CCNH: variants seen among roughly 807,000 people sequenced by gnomAD.
The protein encoded by CCNH is cyclin-H.
Under a neutral mutation model 41.9 loss-of-function variants are expected in CCNH, and 31 were observed. The ratio of observed to expected loss-of-function variants is 0.74; its 90% confidence interval spans 0.56 to 1.00. The LOEUF is 1.00. CCNH is among the 50% of genes least tolerant of loss of function. The pLI is 0.00. For synonymous variants in CCNH, 138 were observed against 136.1 expected, an observed-to-expected ratio of 1.01 and a Z score of -0.10; for missense variants, 362 against 388.4, an observed-to-expected ratio of 0.93 and a Z score of 0.57.
intron 9 of CCNH, among the ~76,000 whole-genome samples, chr5:87,333,553 G>A (rs1462693835): frequency 3.9e-5 from 6 of 152,168 alleles, no homozygotes; most frequent in African/African-American, 1.4e-4. Flanking sequence ...AATATGATAG[G>A]AGAAATAGTT....
chr5:87,354,312 T>C (rs999964092), intron 9 of CCNH, among the ~76,000 whole-genome samples: 1 of 152,158 alleles, frequency 6.6e-6, no homozygotes, highest in Non-Finnish European at 1.5e-5. Flanking sequence ...AGGACGTCTA[T>C]TGCGACTGTT....
At chr5:87,382,636 G>A (rs2112506293) in intron 9 of CCNH, among the ~76,000 whole-genome samples, 1 of 152,252 alleles carries the variant, frequency 6.6e-6, no homozygotes, top group South Asian at 2.1e-4. Flanking sequence ...GGCAGAATAG[G>A]AGTATCTATG....
chr5:87,318,100 T>G (rs1756486449), downstream of CCNH, among the ~76,000 whole-genome samples: 1 of 152,160 alleles, frequency 6.6e-6, no homozygotes. Flanking sequence ...GGCTAAAATG[T>G]TCTTGGCATT....
At chr5:87,412,506 T>C in intron 1 of CCNH, 172 bp downstream of exon 1, 1 of 1,435,238 alleles carries the variant, frequency 7.0e-7, no homozygotes. Context: ...GTTGTTCGTC[T>C]TTGTACCCAC....
chr5:87,379,624 A>G (rs1761565679), upstream of CCNH: 3 of 1,425,194 alleles, frequency 2.1e-6, no homozygotes, highest in South Asian at 4.1e-5. Flanking sequence ...CAATACACAC[A>G]GAGATACCGA....
At chr5:87,380,039 G>A (rs1052916098), upstream of CCNH, among the ~76,000 whole-genome samples, 5 of 152,202 alleles carry the variant, frequency 3.3e-5, no homozygotes, top group South Asian at 2.1e-4. Flanking sequence ...CATTATTTTC[G>A]TACAAGCCAA....
At chr5:87,377,094 C>T in exon 1 of CCNH, 4 of 1,542,542 alleles carry the variant, frequency 2.6e-6, no homozygotes, top group Non-Finnish European at 3.6e-6. Context: ...GATTTTATAT[C>T]AAGGATATAT....
chr5:87,411,305 T>G lies in CCNH; in HGVS notation c.159A>C (p.Glu53Asp). 6.2e-7 allele frequency: 1 copy of G among 1,612,470 alleles called. No homozygotes were observed. The highest frequency in any genetic ancestry group is 8.5e-7 in the Non-Finnish European group (1 of 1,179,296). ...TCTCATAGTATTTGCAGAGTGTCATTTCTTCATGAGGCTCAAGAAAGACTG... is the reference window on the plus strand; with the variant it reads ...TCTCATAGTATTTGCAGAGTGTCATGTCTTCATGAGGCTCAAGAAAGACTG... ...NDPVFLEPHE[E>D]MTLCKYYEKR... Residue 53 changes from glutamate to aspartate, a missense_variant, in exon 2 of 9, where the codon GAA (glutamate) becomes GAC (aspartate). Physicochemically the swap from Glu to Asp is conservative, Grantham distance 45 (BLOSUM62 2). Coordinates refer to ENST00000256897, the MANE Select transcript of CCNH (RefSeq NM_001239.4).
chr5:87,377,711 G>A (rs1267471237), upstream of CCNH, among the ~76,000 whole-genome samples: 3 of 152,078 alleles, frequency 2.0e-5, no homozygotes, highest in Admixed American at 6.6e-5. Flanking sequence ...CAAGCTGCTG[G>A]ACACAGTGCT....
rs3838241 is a variant in CCNH at position 87,401,786 on chromosome 5, G to GA, written c.690-15dup. ...TCTGATAAATAACTAGTAAAGAAAA[G>GA]AAAAAAAAATCTATTGAAAACATAC... is the stretch of plus-strand genomic sequence containing the variant. On this transcript the variant is annotated splice_polypyrimidine_tract_variant and intron_variant, in intron 5 of 8. Transcript: ENST00000256897. 7.0e-4 allele frequency: 1,031 copies of GA among 1,472,876 alleles called. No individual in the cohort carries two copies. The highest frequency in any genetic ancestry group is 2.4e-3 in the African/African-American group (168 of 69,586). 91.2% of individuals were successfully genotyped at this position (1,472,876 alleles called of 1,614,324 possible).
chr5:87,316,987 G>A (rs1418509106), downstream of CCNH, among the ~76,000 whole-genome samples: 1 of 151,874 alleles, frequency 6.6e-6, no homozygotes, highest in East Asian at 1.9e-4. Flanking sequence ...GATTCAAGCA[G>A]TTCTCATGCC....
intron 9 of CCNH, among the ~76,000 whole-genome samples, chr5:87,368,657 A>G (rs1050828965): frequency 4.6e-5 from 7 of 152,184 alleles, no homozygotes; most frequent in Admixed American, 3.3e-4. Context: ...GGAAAGCCTG[A>G]AATTCATTCT....
intron 9 of CCNH, among the ~76,000 whole-genome samples, chr5:87,358,393 A>G (rs960817077): frequency 6.6e-6 from 1 of 152,226 alleles, no homozygotes; most frequent in Non-Finnish European, 1.5e-5. Flanking sequence ...CCTATTTCAA[A>G]GATAAGGCAA....
intron 9 of CCNH, among the ~76,000 whole-genome samples, chr5:87,338,272 A>G (rs1758123550): frequency 6.6e-6 from 1 of 151,912 alleles, no homozygotes; most frequent in African/African-American, 2.4e-5. Context: ...GCATATTATA[A>G]TACATAGCTG....
At chr5:87,331,581 G>A (rs1452650044) in intron 9 of CCNH, 5 of 1,460,788 alleles carry the variant, frequency 3.4e-6, no homozygotes, top group Non-Finnish European at 4.8e-6. Context: ...TATAATAAAG[G>A]TGAATGACTC....
Position 87,412,823 on chromosome 5 carries a change from C to A in CCNH, c.-29G>T, listed in dbSNP as rs2266692. The A allele has an allele frequency of 0.018, 28,144 of 1,605,854 alleles. 616 individuals are homozygous for A. The highest frequency in any genetic ancestry group is 0.1 in the African/African-American group (7,586 of 74,890). ...GGAATCGTGACCAGGTCCAGAGGGT[C>A]TGCAGACGAGAACCCAAACGCATCA... On this transcript the variant is annotated 5_prime_UTR_variant, in exon 1 of 9. Coordinates refer to ENST00000256897, the MANE Select transcript of CCNH (RefSeq NM_001239.4).
chr5:87,387,209 A>AG (rs1262379997), downstream of CCNH, among the ~76,000 whole-genome samples: 1 of 152,070 alleles, frequency 6.6e-6, no homozygotes, highest in Non-Finnish European at 1.5e-5. Context: ...GACTGCCATG[A>AG]CATTCTGTTG....
At chr5:87,376,130 C>T (rs1160693967), downstream of CCNH, 1 of 496,716 alleles carries the variant, frequency 2.0e-6, no homozygotes, top group Non-Finnish European at 3.6e-6. Context: ...TAATTGATTT[C>T]TTGCCTTCTT....
intron 9 of CCNH, chr5:87,341,223 A>G: frequency 3.1e-6 from 3 of 962,638 alleles, no homozygotes; most frequent in African/African-American, 3.4e-5. Context: ...TACGATTTTC[A>G]TGAATTTTAA....
Sources: allele counts gnomAD v4.1 joint callset (sites outside exome capture counted in the v4.1 genomes callset), GRCh38; gene constraint gnomAD v4.1.1; transcripts MANE v1.5; gene names NCBI Gene and HGNC (gene_info 2026-07-23, HGNC 2026-07-21).